PCED1B: variants seen among roughly 807,000 people sequenced by gnomAD.
PCED1B encodes the protein PC-esterase domain containing 1B, also known as PC-esterase domain-containing protein 1B.
For missense variants in PCED1B, 573 were observed against 573.9 expected, an observed-to-expected ratio of 1.00 and a Z score of 0.02; for synonymous variants, 251 against 246.1, an observed-to-expected ratio of 1.02 and a Z score of -0.19.
At chr12:47,213,979 T>C (rs1246959708) in intron 2 of PCED1B, among the ~76,000 whole-genome samples, 1 of 152,246 alleles carries the variant, frequency 6.6e-6, no homozygotes, top group East Asian at 1.9e-4. Flanking sequence ...ATTCTCACAG[T>C]GCACAGACTA....
chr12:47,135,524 T>G, intron 2 of PCED1B: 1 of 506,978 alleles, frequency 2.0e-6, no homozygotes, highest in Non-Finnish European at 4.0e-6. Context: ...GAGATGATGA[T>G]GAGCAGAATG....
intron 2 of PCED1B, among the ~76,000 whole-genome samples, chr12:47,167,251 G>A (rs76782109): frequency 0.039 from 5,876 of 152,016 alleles, 377 homozygotes; most frequent in African/African-American, 0.13. Flanking sequence ...AATATTCAAC[G>A]TAACAAAAAG....
chr12:47,202,787 C>T (rs1261315667), intron 2 of PCED1B, among the ~76,000 whole-genome samples: 1 of 151,314 alleles, frequency 6.6e-6, no homozygotes, highest in Non-Finnish European at 1.5e-5. Flanking sequence ...AGCCATATTC[C>T]CTCATGAAGT....
chr12:47,122,591 C>CTTTCAACTCT (rs1344129138), intron 2 of PCED1B, among the ~76,000 whole-genome samples: 3 of 152,288 alleles, frequency 2.0e-5, no homozygotes, highest in Admixed American at 6.5e-5. Context: ...AGGCTTTCTC[C>CTTTCAACTCT]TTTCAACTCT....
chr12:47,161,179 T>C (rs550430278), intron 2 of PCED1B, among the ~76,000 whole-genome samples: 5 of 152,230 alleles, frequency 3.3e-5, no homozygotes, highest in Non-Finnish European at 1.5e-5. Context: ...TATTCTGTTA[T>C]AGCAACACAA....
intron 3 of PCED1B, among the ~76,000 whole-genome samples, chr12:47,217,462 G>GAA (rs1337394650): frequency 0.032 from 2,267 of 70,482 alleles, 97 homozygotes; most frequent in Middle Eastern, 0.078. Flanking sequence ...GAAAGAAAAA[G>GAA]AAAGAAAGAG....
At chr12:47,228,084 A>G (rs189899672) in intron 3 of PCED1B, among the ~76,000 whole-genome samples, 120 of 143,696 alleles carry the variant, frequency 8.4e-4, no homozygotes, top group African/African-American at 2.2e-3. Context: ...CCCAGGCTGG[A>G]GTTCAGTGAT....
chr12:47,202,139 C>T lies in PCED1B; in HGVS notation c.-525-14083C>T, dbSNP rs374451342. Among the ~76,000 whole-genome samples the T allele has an allele frequency of 3.3e-5, 5 of 152,138 alleles. No individual in the cohort carries two copies. In the East Asian group the frequency reaches 5.8e-4, roughly 18 times the overall value. Reference sequence around the variant, plus strand: ...GGATACTTATGAAGCATTCAGGCTTCGAGAACCTGATTCTAATGTGCTACT... The same window carrying T: ...GGATACTTATGAAGCATTCAGGCTTTGAGAACCTGATTCTAATGTGCTACT... On this transcript the variant is annotated intron_variant, in intron 2 of 3. Transcript: ENST00000546455.
intron 2 of PCED1B, among the ~76,000 whole-genome samples, chr12:47,203,325 G>C (rs1942823791): frequency 1.3e-5 from 2 of 151,862 alleles, no homozygotes; most frequent in Admixed American, 1.3e-4. Context: ...TTTAAGTTTA[G>C]GGGTACATGT....
chr12:47,207,752 C>A (rs1010590996), intron 2 of PCED1B, among the ~76,000 whole-genome samples: 2 of 152,196 alleles, frequency 1.3e-5, no homozygotes, highest in Non-Finnish European at 2.9e-5. Flanking sequence ...TGGCCCCTAA[C>A]CCCTGACTAT....
intron 2 of PCED1B, among the ~76,000 whole-genome samples, chr12:47,145,644 C>G (rs1038794050): frequency 3.3e-5 from 5 of 152,182 alleles, no homozygotes; most frequent in African/African-American, 1.2e-4. Context: ...TTAACTCTGC[C>G]TGTGCTGTAG....
chr12:47,123,993 TCTTTGTACTTACA>T (rs556205964), intron 2 of PCED1B, among the ~76,000 whole-genome samples: 78 of 152,184 alleles, frequency 5.1e-4, no homozygotes, highest in African/African-American at 1.8e-3. Context: ...GCAATGAACA[TCTTTGTACTTACA>T]TTTTTAACAA....
intron 2 of PCED1B, among the ~76,000 whole-genome samples, chr12:47,183,369 A>G (rs571986907): frequency 1.3e-5 from 2 of 152,360 alleles, no homozygotes; most frequent in South Asian, 2.1e-4. Context: ...TCAAGGAAGT[A>G]GAGACCTTTT....
intron 1 of PCED1B, among the ~76,000 whole-genome samples, chr12:47,082,414 A>C (rs550699166): frequency 3.3e-5 from 5 of 152,342 alleles, no homozygotes; most frequent in African/African-American, 1.2e-4. Context: ...GAGAAAGAGG[A>C]GTCCTGTAAA....
intron 2 of PCED1B, chr12:47,210,242 A>G (rs1294365891): frequency 6.6e-6 from 1 of 152,276 alleles, no homozygotes; most frequent in African/African-American, 2.4e-5. Flanking sequence ...TTTAACCAAC[A>G]TATATCACTA....
chr12:47,224,063 G>A (rs188224018), intron 3 of PCED1B: 1 of 152,170 alleles, frequency 6.6e-6, no homozygotes, highest in Non-Finnish European at 1.5e-5. Context: ...GTGTTAAAGG[G>A]GTAATAGGTA....
At chr12:47,227,283 C>T (rs1195410785) in intron 3 of PCED1B, among the ~76,000 whole-genome samples, 8 of 152,088 alleles carry the variant, frequency 5.3e-5, no homozygotes, top group Non-Finnish European at 1.2e-4. Context: ...GCGATTCTCC[C>T]GCCTCAGCCT....
intron 2 of PCED1B, among the ~76,000 whole-genome samples, chr12:47,172,478 A>G (rs1941784753): frequency 6.6e-6 from 1 of 152,066 alleles, no homozygotes. Context: ...CCTATCTCAA[A>G]AAGAAATTCT....
At chr12:47,135,670 A>G (rs951600613) in intron 2 of PCED1B, 1 of 520,054 alleles carries the variant, frequency 1.9e-6, no homozygotes, top group Non-Finnish European at 3.9e-6. Context: ...GAGTAGATGA[A>G]TGCTATGAAG....
Sources: allele counts gnomAD v4.1 joint callset (sites outside exome capture counted in the v4.1 genomes callset), GRCh38; gene constraint gnomAD v4.1.1; transcripts MANE v1.5; gene names NCBI Gene and HGNC (gene_info 2026-07-23, HGNC 2026-07-21).